ZFP2: variants seen among roughly 807,000 people sequenced by gnomAD.
ZFP2 encodes the protein zinc finger protein ZFP2.
A neutral mutation model predicts 36.1 loss-of-function variants in ZFP2; 33 were observed. The observed-to-expected ratio is 0.92, with a 90% CI of 0.69 to 1.22. The LOEUF is 1.22. Ranked by LOEUF, ZFP2 falls within the 50% of genes most tolerant of loss-of-function variation. The probability of loss-of-function intolerance (pLI) is 0.00; values close to 1 mark genes in which losing one functional copy is unlikely to be tolerated. For synonymous variants in ZFP2, 170 were observed against 178.0 expected (o/e 0.96, Z 0.36); for missense variants, 522 against 551.4 (o/e 0.95, Z 0.53).
Position 178,931,260 on chromosome 5 carries a change from A to G in ZFP2, c.-54A>G, listed in dbSNP as rs1758828187. 1.2e-5 allele frequency: 19 copies of G among 1,523,412 alleles called. No homozygotes were observed. Among genetic ancestry groups the G allele is most frequent in the Non-Finnish European group, 1.6e-5 (18 of 1,140,678 alleles). 94.4% of individuals were successfully genotyped at this position (1,523,412 alleles called of 1,614,324 possible). Reference sequence around the variant, plus strand: ...AGACTGGGAGACAAGACTTGAAACCAAAGAGCCAACTCCGAAGCCGGGTAT... The same window carrying G: ...AGACTGGGAGACAAGACTTGAAACCGAAGAGCCAACTCCGAAGCCGGGTAT... On this transcript the variant is annotated 5_prime_UTR_variant, in exon 5 of 5. Transcript: ENST00000361362.
chr5:178,929,988 G>A (rs1217952993), intron 4 of ZFP2, among the ~76,000 whole-genome samples: 1 of 151,678 alleles, frequency 6.6e-6, no homozygotes, highest in Non-Finnish European at 1.5e-5. Context: ...GTAGGTGAGA[G>A]GGGAGCAGGC....
At chr5:178,924,850 A>AAATAAT (rs963954763) in intron 4 of ZFP2, among the ~76,000 whole-genome samples, 2 of 147,488 alleles carry the variant, frequency 1.4e-5, no homozygotes, top group Non-Finnish European at 3.0e-5. Flanking sequence ...CTCCATCTCA[A>AAATAAT]AATAATAATA....
intron 4 of ZFP2, among the ~76,000 whole-genome samples, chr5:178,927,666 TGTGTGTGTGTGTGTGTGTGTGTG>T (rs1758711065): frequency 1.9e-5 from 2 of 106,080 alleles, no homozygotes; most frequent in African/African-American, 5.5e-5. Context: ...CTGGCCAATG[TGTGTGTGTGTGTGTGTGTGTGTG>T]TGTGTGTGTG....
Position 178,919,446 on chromosome 5 carries a change from G to A in ZFP2, c.-78+2736G>A, listed in dbSNP as rs114090146. ...ATTCTCTTAGTTTTCTTTCATATGA[G>A]AATGTCTTTATTTCACCTTCATTCC... On this transcript the variant is annotated intron_variant, in intron 4 of 4. Coordinates refer to ENST00000361362, the MANE Select transcript of ZFP2 (RefSeq NM_030613.4). Among the ~76,000 whole-genome samples, 504 of 152,252 alleles carry A rather than the reference G, an allele frequency of 3.3e-3. 2 individuals carry two copies. Among genetic ancestry groups the A allele is most frequent in the African/African-American group, 0.012 (482 of 41,546 alleles).
At chr5:178,926,580 G>A (rs759628458) in intron 4 of ZFP2, among the ~76,000 whole-genome samples, 18 of 151,652 alleles carry the variant, frequency 1.2e-4, no homozygotes, top group Non-Finnish European at 2.1e-4. Flanking sequence ...GCAGTGGCAC[G>A]ATCTCGACTC....
At chr5:178,915,536 A>ACTCCTGAG (rs1302588006) in intron 3 of ZFP2, 3 of 150,024 alleles carry the variant, frequency 2.0e-5, no homozygotes, top group Non-Finnish European at 4.4e-5. Context: ...CTGGTCTCAA[A>ACTCCTGAG]CTCCTGAGCT....
chr5:178,907,057 C>T (rs1561678991), intron 1 of ZFP2, among the ~76,000 whole-genome samples: 1 of 152,048 alleles, frequency 6.6e-6, no homozygotes, highest in Non-Finnish European at 1.5e-5. Context: ...GAGTCAGCTC[C>T]TCAAGCCCCT....
intron 4 of ZFP2, among the ~76,000 whole-genome samples, chr5:178,925,591 G>A (rs535888809): frequency 6.7e-6 from 1 of 149,584 alleles, no homozygotes; most frequent in South Asian, 2.1e-4. Flanking sequence ...TGTTACTTGG[G>A]CGGATGTGGT....
chr5:178,918,776 A>G (rs1758490950), intron 4 of ZFP2, among the ~76,000 whole-genome samples: 1 of 152,246 alleles, frequency 6.6e-6, no homozygotes, highest in Admixed American at 6.5e-5. Flanking sequence ...GATAACAGCT[A>G]ATAATCACTG....
At chr5:178,910,510 C>T (rs1561680204) in intron 1 of ZFP2, 1 of 593,314 alleles carries the variant, frequency 1.7e-6, no homozygotes, top group Non-Finnish European at 3.1e-6. Flanking sequence ...GGCCTGCACC[C>T]TGCCTGCTGT....
chr5:178,900,892 A>T (rs573518290), intron 1 of ZFP2, among the ~76,000 whole-genome samples: 64 of 152,284 alleles, frequency 4.2e-4, no homozygotes, highest in Admixed American at 1.6e-3. Context: ...CTGTCCCTAC[A>T]GTATTGCCCT....
chr5:178,916,856 GTGT>G, intron 4 of ZFP2, 146 bp downstream of exon 4: 1 of 533,740 alleles, frequency 1.9e-6, no homozygotes, highest in Non-Finnish European at 2.4e-6. Flanking sequence ...TTGCCCTGCT[GTGT>G]TGTTATTTCC....
Position 178,905,516 on chromosome 5 carries a change from GT to G in ZFP2, c.-449-7062del, listed in dbSNP as rs567400073. Among the ~76,000 whole-genome samples the G allele has an allele frequency of 7.0e-4, 107 of 152,204 alleles. 1 individual carries two copies. The highest frequency in any genetic ancestry group is 2.5e-3 in the African/African-American group (104 of 41,528). ...ATGTCCTTATTCTATTTGATATGCA[GT>G]TTTTTCAAACAATAACTGTATCAAA... On this transcript the variant is annotated intron_variant, in intron 1 of 4. Coordinates refer to ENST00000361362, the MANE Select transcript of ZFP2 (RefSeq NM_030613.4).
intron 3 of ZFP2, chr5:178,914,020 C>T (rs1296194426): frequency 6.6e-6 from 1 of 152,008 alleles, no homozygotes; most frequent in African/African-American, 2.4e-5. Context: ...CCACGCCCAG[C>T]TAATTTTTTG....
chr5:178,909,101 G>C (rs1758234180), intron 1 of ZFP2, among the ~76,000 whole-genome samples: 1 of 139,814 alleles, frequency 7.2e-6, no homozygotes, highest in Non-Finnish European at 1.6e-5. Context: ...CAGGGCTCAG[G>C]GCGTAAAACC....
intron 4 of ZFP2, among the ~76,000 whole-genome samples, chr5:178,930,041 C>T (rs1758792674): frequency 6.6e-6 from 1 of 151,102 alleles, no homozygotes; most frequent in Non-Finnish European, 1.5e-5. Context: ...AGGTGTTACA[C>T]ACTTGTAAAT....
Position 178,931,857 on chromosome 5 carries a change from G to A in ZFP2, c.544G>A (p.Gly182Arg), listed in dbSNP as rs115324141. The A allele has an allele frequency of 8.4e-5, 136 of 1,612,812 alleles. No homozygotes were observed. The highest frequency in any genetic ancestry group is 5.2e-4 in the Admixed American group (31 of 59,974). Residue 182 changes from glycine to arginine, a missense_variant, in exon 5 of 5, where the codon GGA becomes AGA. Transcript: ENST00000361362. The part of the protein sequence containing the change: ...NLTVHQRTHT[G>R]EKPYQCKECG... ...TACTGTCCATCAACGAACTCACACC[G>A]GAGAGAAACCCTATCAGTGTAAAGA...
chr5:178,918,296 G>A (rs948548024), intron 4 of ZFP2, among the ~76,000 whole-genome samples: 18 of 152,308 alleles, frequency 1.2e-4, no homozygotes, highest in African/African-American at 3.8e-4. Flanking sequence ...ATGCATTGTA[G>A]GGTAGCAAGA....
Position 178,925,126 on chromosome 5 carries a change from TACAC to T in ZFP2, c.-77-6089_-77-6086del, listed in dbSNP as rs70997651. Among the ~76,000 whole-genome samples, 902 of 133,534 alleles carry T rather than the reference TACAC, an allele frequency of 6.8e-3. 39 individuals carry two copies. The highest frequency in any genetic ancestry group is 0.028 in the Admixed American group (354 of 12,532). 87.6% of individuals were successfully genotyped at this position (133,534 alleles called of 152,430 possible). On this transcript the variant is annotated intron_variant, in intron 4 of 4. Coordinates refer to ENST00000361362, the MANE Select transcript of ZFP2 (RefSeq NM_030613.4). ...GAATCTTTATATATATATATATATATACACACACACACACACACACACACATATA... is the reference window on the plus strand; with the variant it reads ...GAATCTTTATATATATATATATATATACACACACACACACACACACATATA...
Sources: allele counts gnomAD v4.1 joint callset (sites outside exome capture counted in the v4.1 genomes callset), GRCh38; gene constraint gnomAD v4.1.1; transcripts MANE v1.5; gene names NCBI Gene and HGNC (gene_info 2026-07-23, HGNC 2026-07-21).